Variants in SIPA1L1 observed in about 807,000 individuals in gnomAD.
The protein encoded by SIPA1L1 is signal-induced proliferation-associated 1-like protein 1.
A neutral mutation model predicts 162.7 loss-of-function variants in SIPA1L1; 26 were observed. That is an observed-to-expected ratio of 0.16 (90% CI 0.12 to 0.22). The LOEUF (loss-of-function observed/expected upper bound fraction) is 0.22. SIPA1L1 is among the 10% of genes least tolerant of loss of function. The pLI, the probability that SIPA1L1 is intolerant of heterozygous loss-of-function variation, is 1.00. For synonymous variants in SIPA1L1, 829 were observed against 837.4 expected, an observed-to-expected ratio of 0.99 and a Z score of 0.17; for missense variants, 1,874 against 2,241.0, an observed-to-expected ratio of 0.84 and a Z score of 3.31.
chr14:71,328,503 T>C (rs2034096903), intron 2 of SIPA1L1, among the ~76,000 whole-genome samples: 2 of 152,340 alleles, frequency 1.3e-5, no homozygotes, highest in South Asian at 4.1e-4. Context: ...GTGGCTTTTA[T>C]ATAATTTTTA....
At chr14:71,429,905 T>C (rs574488614) in intron 2 of SIPA1L1, among the ~76,000 whole-genome samples, 1 of 152,118 alleles carries the variant, frequency 6.6e-6, no homozygotes, top group Non-Finnish European at 1.5e-5. Context: ...AGAATTCTGC[T>C]GTTGAATAAT....
chr14:71,619,504 T>TA (rs34640678), intron 6 of SIPA1L1, among the ~76,000 whole-genome samples: 63 of 145,324 alleles, frequency 4.3e-4, no homozygotes, highest in African/African-American at 7.0e-4. Context: ...AAGTTTGGGC[T>TA]AAAAAAAAAA....
intron 5 of SIPA1L1, among the ~76,000 whole-genome samples, chr14:71,598,852 C>A (rs533150602): frequency 1.3e-5 from 2 of 152,236 alleles, no homozygotes; most frequent in East Asian, 3.9e-4. Flanking sequence ...ATCAGTAGAT[C>A]GTTGCTAATA....
intron 7 of SIPA1L1, among the ~76,000 whole-genome samples, chr14:71,639,069 A>T (rs944934624): frequency 2.0e-5 from 3 of 152,200 alleles, no homozygotes; most frequent in African/African-American, 7.2e-5. Flanking sequence ...ACAAAACATG[A>T]ATAGGACTTG....
In SIPA1L1 at chr14:71,392,423, A is replaced by G. The variant is rs571004713; in HGVS notation, c.-465+71242A>G. On this transcript the variant is annotated intron_variant, in intron 2 of 23. Transcript: ENST00000381232. ...CCTAAACATTCCTCTGATTTGCTGA[A>G]TACATTCTTATTTTCCTCTCAGGAC... Among the ~76,000 whole-genome samples, 5 of 152,304 alleles carry G rather than the reference A, an allele frequency of 3.3e-5. No individual in the cohort carries two copies. The South Asian group carries it at 1.0e-3, about 32-fold the overall frequency.
chr14:71,661,924 A>G (rs962991216), intron 10 of SIPA1L1, among the ~76,000 whole-genome samples: 4 of 152,222 alleles, frequency 2.6e-5, no homozygotes, highest in African/African-American at 7.2e-5. Context: ...AAACGCTTCT[A>G]TACTTTATTT....
At chr14:71,644,072 C>T (rs763063004) in intron 7 of SIPA1L1, among the ~76,000 whole-genome samples, 1 of 152,178 alleles carries the variant, frequency 6.6e-6, no homozygotes, top group Non-Finnish European at 1.5e-5. Context: ...TCCCAAAGTG[C>T]TGGGATGACA....
chr14:71,340,800 A>G (rs2035573737), intron 2 of SIPA1L1, among the ~76,000 whole-genome samples: 1 of 152,160 alleles, frequency 6.6e-6, no homozygotes, highest in Non-Finnish European at 1.5e-5. Context: ...TTAGCCAGGC[A>G]TGGTGGTGCA....
At chr14:71,419,521 CG>C (rs1342424305) in intron 2 of SIPA1L1, among the ~76,000 whole-genome samples, 8 of 124,442 alleles carry the variant, frequency 6.4e-5, no homozygotes, top group African/African-American at 2.5e-4. Flanking sequence ...GACGGAGTCT[CG>C]CTCTGTCGCC....
At chr14:71,555,481 C>T (rs2146388761) in intron 4 of SIPA1L1, among the ~76,000 whole-genome samples, 1 of 152,276 alleles carries the variant, frequency 6.6e-6, no homozygotes, top group South Asian at 2.1e-4. Flanking sequence ...GATCTTCTTT[C>T]TCTCCAGAAC....
chr14:71,629,299 A>T (rs1214741293), intron 7 of SIPA1L1, among the ~76,000 whole-genome samples: 3 of 152,164 alleles, frequency 2.0e-5, no homozygotes, highest in Non-Finnish European at 4.4e-5. Flanking sequence ...GTTTCCATGA[A>T]TTATTTTAAT....
chr14:71,527,787 T>A (rs2053031283), intron 3 of SIPA1L1, among the ~76,000 whole-genome samples: 1 of 152,236 alleles, frequency 6.6e-6, no homozygotes. Context: ...TCTTAAAGCT[T>A]AGTTAGACTT....
At chr14:71,487,977 C>G (rs1033780338) in intron 2 of SIPA1L1, among the ~76,000 whole-genome samples, 1 of 152,226 alleles carries the variant, frequency 6.6e-6, no homozygotes, top group Non-Finnish European at 1.5e-5. Context: ...CACATACACC[C>G]CATCCTCAGT....
chr14:71,544,866 T>C (rs1350749630), intron 4 of SIPA1L1, among the ~76,000 whole-genome samples: 2 of 152,212 alleles, frequency 1.3e-5, no homozygotes, highest in South Asian at 2.1e-4. Flanking sequence ...AATCAGGTAA[T>C]TAAGTTCTCT....
At chr14:71,623,362 T>C (rs1012320968) in intron 6 of SIPA1L1, among the ~76,000 whole-genome samples, 1 of 152,266 alleles carries the variant, frequency 6.6e-6, no homozygotes, top group Non-Finnish European at 1.5e-5. Flanking sequence ...AAGACTACTT[T>C]AGGCTTCATG....
intron 9 of SIPA1L1, 70 bp from the exon 10 acceptor site, chr14:71,661,240 A>G (rs2043481823): frequency 1.3e-6 from 2 of 1,513,380 alleles, no homozygotes; most frequent in Non-Finnish European, 1.8e-6. Flanking sequence ...ATACAGCTAT[A>G]TAAGGGAATT....
intron 2 of SIPA1L1, among the ~76,000 whole-genome samples, chr14:71,407,136 G>A (rs969618993): frequency 2.6e-5 from 4 of 152,264 alleles, no homozygotes; most frequent in Non-Finnish European, 2.9e-5. Flanking sequence ...CCAGCTACTC[G>A]GGTGGCTGAG....
chr14:71,623,356 C>T (rs1567334723), intron 6 of SIPA1L1, among the ~76,000 whole-genome samples: 2 of 152,304 alleles, frequency 1.3e-5, no homozygotes, highest in South Asian at 4.1e-4. Flanking sequence ...GAAATTAAGA[C>T]TACTTTAGGC....
At chr14:71,499,229 C>G (rs1279644931) in intron 2 of SIPA1L1, among the ~76,000 whole-genome samples, 2 of 152,134 alleles carry the variant, frequency 1.3e-5, no homozygotes, top group African/African-American at 4.8e-5. Flanking sequence ...GTGCCTGTAG[C>G]TACCTGGTAG....
Sources: gnomAD v4.1 joint callset for allele counts (sites outside exome capture counted in the v4.1 genomes callset) on GRCh38, gnomAD v4.1.1 for gene constraint, MANE v1.5 for transcripts, NCBI Gene and HGNC (gene_info 2026-07-23, HGNC 2026-07-21) for gene names.